Variants in HDAC8 observed in about 807,000 individuals in gnomAD.
HDAC8 encodes the protein histone deacetylase-like 1.
In HDAC8, 1 loss-of-function variant was observed where a neutral mutation model predicts 32.2. The observed-to-expected ratio is 0.03, with a 90% confidence interval of 0.01 to 0.15. The LOEUF is 0.15. HDAC8 is among the 10% of genes least tolerant of loss of function. The probability of loss-of-function intolerance (pLI) is 1.00; values close to 1 mark genes in which losing one functional copy is unlikely to be tolerated. For missense variants in HDAC8, 117 were observed against 300.0 expected (o/e 0.39, Z 4.51); for synonymous variants, 108 against 113.9 (o/e 0.95, Z 0.33).
At chrX:72,397,255 C>T (rs146040527) in intron 9 of HDAC8, among the ~76,000 whole-genome samples, 13 of 111,469 alleles carry the variant, frequency 1.2e-4, no homozygotes, top group African/African-American at 3.6e-4. Context: ...GATTTGAGTG[C>T]GGACAAATAT....
chrX:72,469,149 G>GTT (rs60517532), intron 7 of HDAC8, among the ~76,000 whole-genome samples: 41 of 105,388 alleles, frequency 3.9e-4, no homozygotes, highest in Middle Eastern at 9.4e-3. Flanking sequence ...CTATTCCCTA[G>GTT]TTTTTTTTTT....
intron 4 of HDAC8, among the ~76,000 whole-genome samples, chrX:72,564,344 CTT>C (rs1315750584): frequency 1.8e-5 from 2 of 112,285 alleles, no homozygotes; most frequent in African/African-American, 6.5e-5. Flanking sequence ...GCCTATTACA[CTT>C]TGTCATATTT....
chrX:72,390,049 G>GTA (rs1315056147), intron 9 of HDAC8, among the ~76,000 whole-genome samples: 2 of 110,799 alleles, frequency 1.8e-5, no homozygotes, highest in Non-Finnish European at 3.8e-5. Flanking sequence ...ATTTTTGTGG[G>GTA]TATATAGCAC....
chrX:72,429,019 C>CTTTT (rs34627755), intron 9 of HDAC8, among the ~76,000 whole-genome samples: 1 of 86,392 alleles, frequency 1.2e-5, no homozygotes, highest in Non-Finnish European at 2.3e-5. Context: ...TTCTTTCTTT[C>CTTTT]TTTCTTTTTT....
At chrX:72,545,651 C>G (rs942505808) in intron 4 of HDAC8, among the ~76,000 whole-genome samples, 2 of 111,795 alleles carry the variant, frequency 1.8e-5, no homozygotes, top group Non-Finnish European at 3.8e-5. Context: ...CTAGCTCGTT[C>G]CTATGCTGGT....
At chrX:72,540,944 A>G (rs1191928890) in intron 4 of HDAC8, among the ~76,000 whole-genome samples, 1 of 111,378 alleles carries the variant, frequency 9.0e-6, no homozygotes, top group Non-Finnish European at 1.9e-5. Flanking sequence ...GGGGCCTTGT[A>G]TGAGGGCTTA....
intron 7 of HDAC8, chrX:72,473,773 A>T: frequency 5.3e-6 from 4 of 754,652 alleles, no homozygotes; most frequent in Non-Finnish European, 6.3e-6. Context: ...TACTGGGAAG[A>T]GTGTTAATCT....
At chrX:72,397,203 C>T (rs781959122) in intron 9 of HDAC8, among the ~76,000 whole-genome samples, 4 of 111,767 alleles carry the variant, frequency 3.6e-5, no homozygotes, top group African/African-American at 9.8e-5. Flanking sequence ...TCACCTCCTA[C>T]TAGGCCCCAT....
chrX:72,495,731 T>C, intron 4 of HDAC8, among the ~76,000 whole-genome samples: 1 of 112,006 alleles, frequency 8.9e-6, no homozygotes. Flanking sequence ...ACTGACCCTA[T>C]GACACAAACT....
chrX:72,439,575 C>T (rs782300308), intron 9 of HDAC8, among the ~76,000 whole-genome samples: 4 of 101,429 alleles, frequency 3.9e-5, no homozygotes, highest in East Asian at 3.2e-4. Context: ...GCCCATCTCA[C>T]GTGCAAAGAC....
intron 4 of HDAC8, among the ~76,000 whole-genome samples, chrX:72,525,601 C>G (rs1479875739): frequency 9.1e-6 from 1 of 109,545 alleles, no homozygotes; most frequent in Non-Finnish European, 1.9e-5. Context: ...ATCACGAGGT[C>G]AGCAGATCGA....
At chrX:72,391,485 T>G (rs1299679043) in intron 9 of HDAC8, among the ~76,000 whole-genome samples, 4 of 112,592 alleles carry the variant, frequency 3.6e-5, no homozygotes, top group African/African-American at 1.3e-4. Flanking sequence ...AGGCACTAAC[T>G]AGATAAAGCA....
chrX:72,438,790 G>C (rs2047030711), intron 9 of HDAC8, among the ~76,000 whole-genome samples: 1 of 111,472 alleles, frequency 9.0e-6, no homozygotes, highest in African/African-American at 3.3e-5. Flanking sequence ...AATCAACAAA[G>C]CCTCCAAGAA....
At chrX:72,372,894 T>C (rs918097997) in intron 9 of HDAC8, among the ~76,000 whole-genome samples, 5 of 111,823 alleles carry the variant, frequency 4.5e-5, no homozygotes, top group African/African-American at 1.6e-4. Context: ...TTTGCTATTA[T>C]TTATTACGAT....
rs1391292821 is a variant in HDAC8 at position 72,391,427 on chromosome X, G to A, written c.1006-39589C>T. Among the ~76,000 whole-genome samples, 6 of 112,101 alleles carry A rather than the reference G, an allele frequency of 5.4e-5. No individual in the cohort carries two copies. In the East Asian group the frequency reaches 1.7e-3, roughly 31 times the overall value. Reference sequence around the variant, plus strand: ...GTAATTTATAAATGGAAAGAGATAGGGAACTCATCATTCAGTAAGCATTTA... The same window carrying A: ...GTAATTTATAAATGGAAAGAGATAGAGAACTCATCATTCAGTAAGCATTTA... On this transcript the variant is annotated intron_variant, in intron 9 of 10. Transcript: ENST00000373573.
At chrX:72,396,384 A>T (rs1203116456) in intron 9 of HDAC8, among the ~76,000 whole-genome samples, 1 of 112,345 alleles carries the variant, frequency 8.9e-6, no homozygotes, top group Non-Finnish European at 1.9e-5. Context: ...AATGGGGTGT[A>T]ATGGGGAAAC....
At chrX:72,516,907 C>T (rs2049824485) in intron 4 of HDAC8, among the ~76,000 whole-genome samples, 1 of 112,324 alleles carries the variant, frequency 8.9e-6, no homozygotes, top group African/African-American at 3.2e-5. Context: ...AAATTACTCA[C>T]TTTGCTCCAG....
intron 9 of HDAC8, among the ~76,000 whole-genome samples, chrX:72,396,437 G>C (rs2045763795): frequency 8.9e-6 from 1 of 111,934 alleles, no homozygotes; most frequent in Non-Finnish European, 1.9e-5. Flanking sequence ...TGCTGTGAAG[G>C]GTTGTATCCT....
chrX:72,364,679 C>T (rs2044647724), intron 9 of HDAC8, among the ~76,000 whole-genome samples: 1 of 111,120 alleles, frequency 9.0e-6, no homozygotes, highest in Admixed American at 9.6e-5. Flanking sequence ...ATTCAAAATA[C>T]CTGAAATAAT....
Sources: allele counts gnomAD v4.1 joint callset (sites outside exome capture counted in the v4.1 genomes callset), GRCh38; gene constraint gnomAD v4.1.1; transcripts MANE v1.5; gene names NCBI Gene and HGNC (gene_info 2026-07-23, HGNC 2026-07-21).